The following ACAD10 variants were observed in gnomAD, a reference collection of about 807,000 sequenced individuals.
ACAD10 encodes the protein acyl-CoA dehydrogenase family member 10, also known as ACAD-10.
In ACAD10, 112 loss-of-function variants were observed where a neutral mutation model predicts 116.8. The observed-to-expected ratio is 0.96, with a 90% CI of 0.82 to 1.12. The LOEUF is 1.12. ACAD10 is among the 50% of genes most tolerant of loss of function. ACAD10 has a pLI of 0.00. For missense variants in ACAD10, 1,259 were observed against 1,350.2 expected, an observed-to-expected ratio of 0.93 and a Z score of 1.06; for synonymous variants, 486 against 510.6, an observed-to-expected ratio of 0.95 and a Z score of 0.65.
intron 16 of ACAD10, among the ~76,000 whole-genome samples, 175 bp from the exon 17 acceptor site, chr12:111,748,142 C>G (rs1164948653): frequency 1.3e-5 from 2 of 152,206 alleles, no homozygotes; most frequent in Non-Finnish European, 2.9e-5. Flanking sequence ...TGGGACAAAA[C>G]CCAATTTGCT....
intron 2 of ACAD10, 95 bp from the exon 3 acceptor site, chr12:111,702,067 C>A: frequency 1.5e-6 from 2 of 1,321,480 alleles, no homozygotes; most frequent in Non-Finnish European, 2.1e-6. Flanking sequence ...GGCAGTACAG[C>A]GAGTCCGTAG....
intron 1 of ACAD10, chr12:111,691,216 CT>C (rs1566138543): frequency 6.6e-6 from 1 of 151,534 alleles, no homozygotes; most frequent in Non-Finnish European, 1.5e-5. Flanking sequence ...TTGTGTGTGT[CT>C]TTTTTTTTCC....
At chr12:111,756,040 C>CAGA in intron 20 of ACAD10, 2 of 1,046,966 alleles carry the variant, frequency 1.9e-6, no homozygotes, top group Non-Finnish European at 2.7e-6. Flanking sequence ...TTCATAAGCC[C>CAGA]AGAGCCCAGG....
intron 18 of ACAD10, 89 bp downstream of exon 18, chr12:111,749,434 T>C: frequency 6.7e-7 from 1 of 1,498,910 alleles, no homozygotes; most frequent in Admixed American, 2.0e-5. Context: ...GTTTTCTGAG[T>C]GCAGTCCTAG....
chr12:111,727,622 A>G (rs1889254319), intron 8 of ACAD10, among the ~76,000 whole-genome samples: 1 of 152,146 alleles, frequency 6.6e-6, no homozygotes, highest in South Asian at 2.1e-4. Context: ...TTGCTACATT[A>G]TTACACTTTG....
At chr12:111,697,557 C>T (rs1430936760) in intron 2 of ACAD10, among the ~76,000 whole-genome samples, 9 of 147,310 alleles carry the variant, frequency 6.1e-5, no homozygotes, top group Non-Finnish European at 1.2e-4. Context: ...GACAGGGTTT[C>T]GCCATGTTGA....
chr12:111,742,138 C>T (rs990361037), intron 12 of ACAD10, among the ~76,000 whole-genome samples: 1 of 152,090 alleles, frequency 6.6e-6, no homozygotes, highest in Non-Finnish European at 1.5e-5. Flanking sequence ...GGAAAATATA[C>T]CAGAAGCAAT....
intron 1 of ACAD10, among the ~76,000 whole-genome samples, chr12:111,686,772 A>T (rs751074746): frequency 2.6e-5 from 4 of 152,202 alleles, no homozygotes; most frequent in South Asian, 2.1e-4. Flanking sequence ...TGCTGCAGTT[A>T]GACCGGGGTC....
At position 111,728,221 on chromosome 12, in the gene ACAD10, G is replaced by T. The variant is rs902928050; in HGVS notation, c.1243+78G>T. ...GCTTTTAGGATCTGAATCGTTTTGG[G>T]TCGTTTTGAGTATTAGCACACCAAG... On this transcript the variant is annotated intron_variant, in intron 9 of 20. Coordinates refer to ENST00000313698, the MANE Select transcript of ACAD10 (RefSeq NM_025247.6). The T allele has an allele frequency of 5.6e-6, 8 of 1,432,834 alleles. No individual in the cohort carries two copies. The African/African-American group carries it at 1.1e-4, about 20-fold the overall frequency. 88.8% of individuals were successfully genotyped at this position (1,432,834 alleles called of 1,614,324 possible). A position where few individuals can be genotyped will look rare whatever the true frequency, so the allele number is the denominator to read the frequency against.
At chr12:111,739,325 G>A (rs1380769330) in intron 12 of ACAD10, among the ~76,000 whole-genome samples, 1 of 152,184 alleles carries the variant, frequency 6.6e-6, no homozygotes, top group African/African-American at 2.4e-5. Context: ...GACATGTTCA[G>A]CAGCACCCTG....
At chr12:111,749,015 T>C (rs768021358) in intron 17 of ACAD10, 158 bp from the exon 18 acceptor site, 1 of 1,612,698 alleles carries the variant, frequency 6.2e-7, no homozygotes, top group East Asian at 2.2e-5. Flanking sequence ...TAACAGGCTG[T>C]TTCCTGCCGT....
At chr12:111,753,412 C>T in intron 18 of ACAD10, 1 of 450,806 alleles carries the variant, frequency 2.2e-6, no homozygotes, top group Non-Finnish European at 4.4e-6. Flanking sequence ...CCCTCATTCC[C>T]AGGAGTAGCC....
chr12:111,756,240 T>G (rs2068082599), intron 20 of ACAD10, 93 bp from the exon 21 acceptor site: 2 of 1,473,428 alleles, frequency 1.4e-6, no homozygotes, highest in South Asian at 1.4e-5. Context: ...GGAAGATGGT[T>G]GTTATGGGCC....
chr12:111,747,046 C>T lies in ACAD10; in HGVS notation c.2257-3C>T. The stretch of plus-strand genomic sequence containing the variant: ...TCATGGTCACGCTCCTTTTCCTTCT[C>T]AGGTATGTAACTGCTCTGCGCCTGA... On this transcript the variant is annotated splice_polypyrimidine_tract_variant and splice_region_variant and intron_variant, in intron 14 of 20. Transcript: ENST00000313698. 6.3e-7 allele frequency: 1 copy of T among 1,579,212 alleles called. No individual in the cohort carries two copies. Among genetic ancestry groups the T allele is most frequent in the Non-Finnish European group, 8.6e-7 (1 of 1,160,492 alleles).
intron 7 of ACAD10, among the ~76,000 whole-genome samples, chr12:111,719,149 G>A (rs796830494): frequency 1.3e-4 from 20 of 152,220 alleles, no homozygotes; most frequent in African/African-American, 4.6e-4. Flanking sequence ...AAAAAGAAGT[G>A]CATTGTTTAA....
At chr12:111,692,013 G>A (rs1888058419) in intron 1 of ACAD10, among the ~76,000 whole-genome samples, 1 of 152,060 alleles carries the variant, frequency 6.6e-6, no homozygotes, top group Non-Finnish European at 1.5e-5. Flanking sequence ...TTGTTGCCCA[G>A]GCTGGAGTGC....
At chr12:111,693,118 G>A (rs1358440460) in intron 2 of ACAD10, 1 of 557,300 alleles carries the variant, frequency 1.8e-6, no homozygotes, top group Non-Finnish European at 3.2e-6. Flanking sequence ...TGAGCTAATG[G>A]TAGTGCCTTC....
chr12:111,694,769 TAATCTCAGCAATTTAGGAGGCC>T (rs1888149414), intron 2 of ACAD10, among the ~76,000 whole-genome samples: 1 of 152,200 alleles, frequency 6.6e-6, no homozygotes. Context: ...CTCACACCTG[TAATCTCAGCAATTTAGGAGGCC>T]GAGGTGGGCA....
Position 111,747,043 on chromosome 12 carries a change from T to A in ACAD10, c.2257-6T>A. ...CAGTCATGGTCACGCTCCTTTTCCT[T>A]CTCAGGTATGTAACTGCTCTGCGCC... On this transcript the variant is annotated splice_polypyrimidine_tract_variant and splice_region_variant and intron_variant, in intron 14 of 20. Coordinates refer to ENST00000313698, the MANE Select transcript of ACAD10 (RefSeq NM_025247.6). The A allele has an allele frequency of 1.3e-6, 2 of 1,577,562 alleles. No homozygotes were observed. Among genetic ancestry groups the A allele is most frequent in the Non-Finnish European group, 1.7e-6 (2 of 1,159,648 alleles).
Sources: allele counts gnomAD v4.1 joint callset (sites outside exome capture counted in the v4.1 genomes callset), GRCh38; gene constraint gnomAD v4.1.1; transcripts MANE v1.5; gene names NCBI Gene and HGNC (gene_info 2026-07-23, HGNC 2026-07-21).